The following PANK4 variants were observed in gnomAD, a reference collection of about 807,000 sequenced individuals.
PANK4 encodes the protein 4'-phosphopantetheine phosphatase.
Under a neutral mutation model 87.9 loss-of-function variants are expected in PANK4, and 40 were observed. The ratio of observed to expected loss-of-function variants is 0.46; its 90% CI spans 0.35 to 0.59. PANK4 has a LOEUF of 0.59. Among genes scored for constraint, PANK4 ranks in the 20% least tolerant of loss-of-function variants. PANK4 has a pLI of 0.00. For synonymous variants in PANK4, 524 were observed against 467.4 expected, an observed-to-expected ratio of 1.12 and a Z score of -1.56; for missense variants, 926 against 1,072.3, an observed-to-expected ratio of 0.86 and a Z score of 1.90.
chr1:2,511,408 CAT>C (rs1310276905), intron 14 of PANK4, 21 bp from the exon 15 acceptor site: 3 of 1,589,642 alleles, frequency 1.9e-6, no homozygotes, highest in South Asian at 1.1e-5. Flanking sequence ...GAGAGGGACA[CAT>C]GATTAGCCCG....
rs373915385 is a variant in PANK4 at position 2,520,290 on chromosome 1, C to T, written c.699+32G>A. ...GGAAGGAAGCAGACATCTCCGCAGA[C>T]CCCTGGAAGGTCTCTGGCAGCTGCC... On this transcript the variant is annotated intron_variant, in intron 5 of 18. Transcript: ENST00000378466. The surrounding 1 kb of genome is among the most constrained non-coding windows in gnomAD (Gnocchi z 6.2). 3.4e-5 allele frequency: 54 copies of T among 1,584,912 alleles called. No homozygotes were observed. In the African/African-American group the frequency reaches 6.6e-4, roughly 19 times the overall value.
At chr1:2,523,629 T>G (rs908602928) in intron 1 of PANK4, among the ~76,000 whole-genome samples, 9 of 152,176 alleles carry the variant, frequency 5.9e-5, no homozygotes, top group Non-Finnish European at 8.8e-5. Context: ...GCATCCTCCC[T>G]CCCTGAGACC....
At position 2,515,786 on chromosome 1, in the gene PANK4, G is replaced by T; in HGVS notation, c.1219-69C>A. On this transcript the variant is annotated intron_variant, in intron 9 of 18. Coordinates refer to ENST00000378466, the MANE Select transcript of PANK4 (RefSeq NM_018216.4). The surrounding 1 kb of genome is among the most constrained non-coding windows in gnomAD (Gnocchi z 5.0). The stretch of plus-strand genomic sequence containing the variant: ...AGAACGACCCAAGCCACACTCAGAA[G>T]CTTCCACTCTCTCTCTAAGAAGGGA... 2 of 1,415,390 alleles carry T rather than the reference G, an allele frequency of 1.4e-6. No individual in the cohort carries two copies. Among genetic ancestry groups the T allele is most frequent in the Non-Finnish European group, 2.0e-6 (2 of 1,019,206 alleles). 87.7% of individuals were successfully genotyped at this position (1,415,390 alleles called of 1,614,324 possible).
rs1643871620 is a variant in PANK4, at chr1:2,521,138, T to C, written c.385A>G (p.Lys129Glu). The C allele has an allele frequency of 6.2e-7, 1 of 1,613,672 alleles. No individual in the cohort carries two copies. The highest frequency in any genetic ancestry group is 1.3e-5 in the African/African-American group (1 of 74,884). ...TTCTCTTCGATGAGGTCTTTGAACTTGTAGGCCCCGCCCCCGGTCGCCTGG... is the reference window on the plus strand; with the variant it reads ...TTCTCTTCGATGAGGTCTTTGAACTCGTAGGCCCCGCCCCCGGTCGCCTGG... ...VIQATGGGAYKFKDLIEEKLR... is the reference protein window; with the variant it reads ...VIQATGGGAYEFKDLIEEKLR... Residue 129 changes from lysine to glutamate, a missense_variant, in exon 3 of 19, where the codon AAG becomes GAG. Coordinates refer to ENST00000378466, the MANE Select transcript of PANK4 (RefSeq NM_018216.4).
rs1280116965 is a variant in PANK4, at chr1:2,509,606, C to T, written c.2108+256G>A. Among the ~76,000 whole-genome samples, 1 of 152,170 alleles carries T rather than the reference C, an allele frequency of 6.6e-6. No homozygotes were observed. ...GGTCTCAGCTGAGTGGCCACAGGGA[C>T]ATTGGCCCCTCTTGCCCCAAGTCCC... On this transcript the variant is annotated intron_variant, in intron 18 of 18. Coordinates refer to ENST00000378466, the MANE Select transcript of PANK4 (RefSeq NM_018216.4). This position sits in a 1 kb window ranked among gnomAD's most constrained non-coding sequence, Gnocchi z 4.9.
chr1:2,523,591 T>A (rs891400544), intron 1 of PANK4, among the ~76,000 whole-genome samples: 2 of 150,956 alleles, frequency 1.3e-5, no homozygotes, highest in African/African-American at 4.9e-5. Context: ...GGGACAGAGG[T>A]GGGGGTGGGT....
intron 9 of PANK4, among the ~76,000 whole-genome samples, chr1:2,517,493 G>T (rs925746043): frequency 1.3e-5 from 2 of 152,248 alleles, no homozygotes; most frequent in Non-Finnish European, 1.5e-5. Flanking sequence ...AGCCCCGCGG[G>T]GGGGCACGGT....
Position 2,521,092 on chromosome 1 carries a change from C to T in PANK4, c.422+9G>A. ...ATGTTCCTTTCTCGCCCTTGAGATC[C>T]CCACTCACTTCAGCCGCAGCTTCTC... On this transcript the variant is annotated intron_variant, in intron 3 of 18. Transcript: ENST00000378466. 5.0e-6 allele frequency: 8 copies of T among 1,608,202 alleles called. No individual in the cohort carries two copies. The highest frequency in any genetic ancestry group is 6.8e-6 in the Non-Finnish European group (8 of 1,175,642).
In PANK4 at chr1:2,511,741, G is replaced by C. The variant is rs1643665707; in HGVS notation, c.1728-58C>G. The C allele has an allele frequency of 2.9e-5, 30 of 1,043,700 alleles. No homozygotes were observed. The South Asian group carries it at 3.8e-4, about 13-fold the overall frequency. The allele number at this position is 1,043,700 out of a possible 1,614,324, so 64.7% of individuals were successfully genotyped here. On this transcript the variant is annotated intron_variant, in intron 13 of 18. Transcript: ENST00000378466. The stretch of plus-strand genomic sequence containing the variant: ...AACAGAACAAAAACCTTCAGCCACA[G>C]TGCTCAATGTGAAGACCCCAAATCC...
Position 2,515,346 on chromosome 1 carries a change from C to T in PANK4, c.1374+216G>A, listed in dbSNP as rs1243390198. The T allele has an allele frequency of 2.9e-6, 2 of 700,972 alleles. No individual in the cohort carries two copies. Among genetic ancestry groups the T allele is most frequent in the South Asian group, 3.0e-5 (2 of 66,812 alleles). 43.4% of individuals were successfully genotyped at this position (700,972 alleles called of 1,614,324 possible). ...TCAGCTGCCCTTAGAAGCAACGTGC[C>T]TCGCAGACGCCACGTCCTCACTGAC... On this transcript the variant is annotated intron_variant, in intron 10 of 18. Transcript: ENST00000378466. This position sits in a 1 kb window ranked among gnomAD's most constrained non-coding sequence, Gnocchi z 5.0.
Position 2,509,998 on chromosome 1 carries a change from C to G in PANK4, c.2039+59G>C. The G allele has an allele frequency of 6.3e-7, 1 of 1,578,056 alleles. No individual in the cohort carries two copies. The highest frequency in any genetic ancestry group is 1.8e-5 in the Admixed American group (1 of 56,764). On this transcript the variant is annotated intron_variant, in intron 17 of 18. Coordinates refer to ENST00000378466, the MANE Select transcript of PANK4 (RefSeq NM_018216.4). The surrounding 1 kb of genome is among the most constrained non-coding windows in gnomAD (Gnocchi z 4.9). ...TCAGTGACAATCCCCATGGCCCACT[C>G]TGCCCAGCTGGTGCCCCTCCCCATC...
rs1230231935 is a variant in PANK4 at position 2,509,835 on chromosome 1, G to C, written c.2108+27C>G. 3 of 1,601,472 alleles carry C rather than the reference G, an allele frequency of 1.9e-6. No individual in the cohort carries two copies. Among genetic ancestry groups the C allele is most frequent in the Non-Finnish European group, 8.5e-7 (1 of 1,171,740 alleles). On this transcript the variant is annotated intron_variant, in intron 18 of 18. Coordinates refer to ENST00000378466, the MANE Select transcript of PANK4 (RefSeq NM_018216.4). The surrounding 1 kb of genome is among the most constrained non-coding windows in gnomAD (Gnocchi z 4.9). ...CAGAGGGCACAGAGCCCAGGAGGGA[G>C]AGAACAGGTGCAGGGTGCGGGGTTA...
At chr1:2,525,837 T>A (rs1643917397) in intron 1 of PANK4, 1 of 152,274 alleles carries the variant, frequency 6.6e-6, no homozygotes, top group South Asian at 2.1e-4. Context: ...GGGTGGCTTT[T>A]AAACCAGAGG....
intron 12 of PANK4, among the ~76,000 whole-genome samples, chr1:2,513,427 A>T (rs1229839236): frequency 1.3e-5 from 2 of 152,206 alleles, no homozygotes; most frequent in Non-Finnish European, 2.9e-5. Flanking sequence ...AGGTGGGAGG[A>T]GTCCATGCCT....
chr1:2,521,325 A>G lies in PANK4; in HGVS notation c.208-10T>C. On this transcript the variant is annotated splice_polypyrimidine_tract_variant and intron_variant, in intron 2 of 18. Coordinates refer to ENST00000378466, the MANE Select transcript of PANK4 (RefSeq NM_018216.4). ...GTTCACGTTCTGTGTCCTGGAAAACAGAGTAGGGGAGGCCGCATGTGTGTG... is the reference window on the plus strand; with the variant it reads ...GTTCACGTTCTGTGTCCTGGAAAACGGAGTAGGGGAGGCCGCATGTGTGTG... The G allele has an allele frequency of 1.9e-6, 3 of 1,606,366 alleles. No individual in the cohort carries two copies. The highest frequency in any genetic ancestry group is 2.6e-6 in the Non-Finnish European group (3 of 1,173,296).
chr1:2,521,885 C>T (rs1187129271), intron 1 of PANK4, 85 bp from the exon 2 acceptor site: 1 of 1,031,996 alleles, frequency 9.7e-7, no homozygotes, highest in East Asian at 2.4e-5. Context: ...CTCTGGGTGT[C>T]CTGGAGACTA....
Position 2,508,830 on chromosome 1 carries a change from C to A in PANK4, c.*17G>T. 2.1e-6 allele frequency: 3 copies of A among 1,453,242 alleles called. No homozygotes were observed. The highest frequency in any genetic ancestry group is 2.9e-6 in the Non-Finnish European group (3 of 1,045,562). 90.0% of individuals were successfully genotyped at this position (1,453,242 alleles called of 1,614,324 possible). A position where few individuals can be genotyped will look rare whatever the true frequency, so the allele number is the denominator to read the frequency against. ...CCTGACAAGTGACAAGCAGAAGAGTCCGGCAGCTGCAGCGCCTCACTCGGC... is the reference window on the plus strand; with the variant it reads ...CCTGACAAGTGACAAGCAGAAGAGTACGGCAGCTGCAGCGCCTCACTCGGC... On this transcript the variant is annotated 3_prime_UTR_variant, in exon 19 of 19. Transcript: ENST00000378466. This position sits in a 1 kb window ranked among gnomAD's most constrained non-coding sequence, Gnocchi z 5.1.
intron 1 of PANK4, 47 bp from the exon 2 acceptor site, chr1:2,521,847 C>CT: frequency 8.2e-6 from 12 of 1,461,102 alleles, no homozygotes; most frequent in Non-Finnish European, 1.1e-5. Flanking sequence ...CAGGACACAG[C>CT]GGGGCCTGGG....
intron 9 of PANK4, among the ~76,000 whole-genome samples, chr1:2,516,116 C>T (rs545141044): frequency 1.7e-4 from 26 of 152,256 alleles, no homozygotes; most frequent in African/African-American, 5.8e-4. Context: ...CACCTCCTCC[C>T]GTGACCCCTG....
Sources: allele counts gnomAD v4.1 joint callset (sites outside exome capture counted in the v4.1 genomes callset), GRCh38; gene constraint gnomAD v4.1.1; non-coding constraint Gnocchi (gnomAD v3.1); transcripts MANE v1.5; gene names NCBI Gene and HGNC (gene_info 2026-07-23, HGNC 2026-07-21).